ADAM8: variants seen among roughly 807,000 people sequenced by gnomAD.
ADAM8 encodes ADAM metallopeptidase domain 8.
ADAM8 carries 104 observed loss-of-function variants against 102.4 expected under a neutral mutation model. The ratio of observed to expected loss-of-function variants is 1.02; its 90% CI spans 0.87 to 1.20. The LOEUF (loss-of-function observed/expected upper bound fraction) is 1.20, where lower values mean the gene tolerates loss of function less well. ADAM8 is among the 50% of genes most tolerant of loss of function. The pLI is 0.00. For synonymous variants in ADAM8, 517 were observed against 485.2 expected, an observed-to-expected ratio of 1.07 and a Z score of -0.86; for missense variants, 1,132 against 1,159.0, an observed-to-expected ratio of 0.98 and a Z score of 0.34.
chr10:133,271,440 T>G, intron 12 of ADAM8, 88 bp downstream of exon 12: 1 of 1,476,348 alleles, frequency 6.8e-7, no homozygotes, highest in Non-Finnish European at 9.1e-7. Flanking sequence ...AAGTTCCACG[T>G]GTGGATGTGC....
intron 15 of ADAM8, 85 bp downstream of exon 15, chr10:133,270,651 G>A: frequency 2.6e-6 from 4 of 1,545,848 alleles, no homozygotes; most frequent in Non-Finnish European, 3.5e-6. Flanking sequence ...CCTCATGGGA[G>A]CAGGACCCTT....
intron 17 of ADAM8, 123 bp downstream of exon 17, chr10:133,269,774 C>T (rs898372507): frequency 5.3e-5 from 64 of 1,201,788 alleles, no homozygotes; most frequent in Non-Finnish European, 7.4e-5. Context: ...CAGAGACCCC[C>T]ATGGACAGGA....
In ADAM8 at chr10:133,268,089, C is replaced by A; in HGVS notation, c.2093G>T (p.Arg698Leu). The A allele has an allele frequency of 7.8e-7, 1 of 1,274,074 alleles. No homozygotes were observed. The highest frequency in any genetic ancestry group is 3.8e-5 in the South Asian group (1 of 26,526). The allele number at this position is 1,274,074 out of a possible 1,614,324, so 78.9% of individuals were successfully genotyped here. ...AGCCTGGTGGAACAGGGGGTTGGAG[C>A]GCCCCATTGTGGTCTTGGGAGCCAC... ...RNVAPKTTMG[R>L]SNPLFHQAAS... Residue 698 changes from arginine (R) to leucine (L), a missense_variant, in exon 20 of 23, where the codon CGC becomes CTC. Physicochemically the swap from Arg to Leu is moderately radical, Grantham distance 102. Transcript: ENST00000445355.
chr10:133,276,688 G>C, intron 1 of ADAM8, 84 bp downstream of exon 1: 1 of 1,496,348 alleles, frequency 6.7e-7, no homozygotes, highest in Non-Finnish European at 8.9e-7. Flanking sequence ...GAGCAGGCCA[G>C]GGGCTCGGGG....
Position 133,273,892 on chromosome 10 carries a change from G to A in ADAM8, c.307-54C>T, listed in dbSNP as rs904883544. ...AGGCTGTGCCCCCATGGCCCCACAG[G>A]CTCGGGGAGGGCCGCCCAGCCCCTA... is the stretch of plus-strand genomic sequence containing the variant. On this transcript the variant is annotated intron_variant, in intron 4 of 22. Transcript: ENST00000445355. The A allele has an allele frequency of 9.7e-6, 15 of 1,552,884 alleles. No homozygotes were observed. In the African/African-American group the frequency reaches 2.0e-4, roughly 21 times the overall value.
At chr10:133,273,053 C>T in intron 6 of ADAM8, 34 bp from the exon 7 acceptor site, 3 of 1,612,628 alleles carry the variant, frequency 1.9e-6, no homozygotes, top group Non-Finnish European at 2.5e-6. Flanking sequence ...AGTCAGCCTT[C>T]CCAGCGCCGG....
At position 133,271,723 on chromosome 10, in the gene ADAM8, C is replaced by A. The variant is rs766896745; in HGVS notation, c.1107-18G>T. The A allele has an allele frequency of 1.3e-6, 2 of 1,549,310 alleles. No individual in the cohort carries two copies. Among genetic ancestry groups the A allele is most frequent in the South Asian group, 1.2e-5 (1 of 84,732 alleles). ...AACTGGAGCTGGGGAGGCGGGGCAG[C>A]ATTGGGGGAGGCGGCCTGGCCCCTT... On this transcript the variant is annotated intron_variant, in intron 11 of 22. Transcript: ENST00000445355.
rs1403185276 is a variant in ADAM8 at position 133,272,232 on chromosome 10, C to T, written c.918G>A (p.Val306=). The stretch of plus-strand genomic sequence containing the variant: ...CTGAGCTGTGGGAGCACATGGCGGA[C>T]ACCCTGGCAAACCCCACGGTAGTCC... ...FTGTTVGFAR[V]SAMCSHSSGA... The change falls in exon 10 of 23, where the codon GTG becomes GTA. Residue 306 remains valine (V), a synonymous_variant. Coordinates refer to ENST00000445355, the MANE Select transcript of ADAM8 (RefSeq NM_001109.5). 2 of 1,548,658 alleles carry T rather than the reference C, an allele frequency of 1.3e-6. No homozygotes were observed. The highest frequency in any genetic ancestry group is 1.4e-5 in the African/African-American group (1 of 73,002).
In ADAM8 at chr10:133,271,717, G is replaced by C. The variant is rs1016009243; in HGVS notation, c.1107-12C>G. 6.5e-7 allele frequency: 1 copy of C among 1,547,804 alleles called. No homozygotes were observed. The highest frequency in any genetic ancestry group is 8.7e-7 in the Non-Finnish European group (1 of 1,144,880). On this transcript the variant is annotated splice_polypyrimidine_tract_variant and intron_variant, in intron 11 of 22. Transcript: ENST00000445355. ...TGGGGAAACTGGAGCTGGGGAGGCGGGGCAGCATTGGGGGAGGCGGCCTGG... is the reference window on the plus strand; with the variant it reads ...TGGGGAAACTGGAGCTGGGGAGGCGCGGCAGCATTGGGGGAGGCGGCCTGG...
At chr10:133,268,293 C>A (rs981645803) in intron 19 of ADAM8, among the ~76,000 whole-genome samples, 175 bp from the exon 20 acceptor site, 14 of 152,188 alleles carry the variant, frequency 9.2e-5, no homozygotes. Flanking sequence ...GGCAGGGACA[C>A]CCCCTCCATG....
chr10:133,274,662 G>A lies in ADAM8; in HGVS notation c.151-427C>T, dbSNP rs142751251. On this transcript the variant is annotated intron_variant, in intron 2 of 22. Transcript: ENST00000445355. The stretch of plus-strand genomic sequence containing the variant: ...TGGGTAACGACAATGCCCCTTCCCC[G>A]AGAAAGCATAGGGTGGGGGAGGCAT... 95 of 292,438 alleles carry A rather than the reference G, an allele frequency of 3.2e-4. No homozygotes were observed. The East Asian group carries it at 8.7e-3, about 27-fold the overall frequency. 18.1% of individuals were successfully genotyped at this position (292,438 alleles called of 1,614,324 possible).
At chr10:133,263,302 G>A (rs749664706) in intron 22 of ADAM8, 69 bp from the exon 23 acceptor site, 5 of 1,393,268 alleles carry the variant, frequency 3.6e-6, no homozygotes, top group South Asian at 2.8e-5. Flanking sequence ...AGGGTACAAC[G>A]AAATTTTACG....
chr10:133,270,885 C>A lies in ADAM8; in HGVS notation c.1560G>T (p.Gly520=), dbSNP rs768096302. Residue 520 remains glycine, a synonymous_variant, in exon 14 of 23, where the codon GGG becomes GGT. Transcript: ENST00000445355. ...CCAGCTCTGTGCCCACTTCACCTGG[C>A]CCCCAGAAGGCCTGGCACTGCTGGG... ...TLAQQCQAFW[G]PGGQAAEESC... 1.2e-6 allele frequency: 2 copies of A among 1,610,446 alleles called. No homozygotes were observed. Among genetic ancestry groups the A allele is most frequent in the South Asian group, 2.2e-5 (2 of 90,978 alleles).
rs777360411 is a variant in ADAM8 at position 133,275,534 on chromosome 10, G to A, written c.100C>T (p.Pro34Ser). 1 of 1,524,168 alleles carries A rather than the reference G, an allele frequency of 6.6e-7. No individual in the cohort carries two copies. The highest frequency in any genetic ancestry group is 8.8e-7 in the Non-Finnish European group (1 of 1,136,658). 94.4% of individuals were successfully genotyped at this position (1,524,168 alleles called of 1,614,324 possible). ...ACTCGGGGGCCTGGCAGACGCCACGGCAACACGACCTCATACTGCTCCATG... is the reference window on the plus strand; with the variant it reads ...ACTCGGGGGCCTGGCAGACGCCACGACAACACGACCTCATACTGCTCCATG... ...ALMEQYEVVL[P>S]WRLPGPRVRR... The change falls in exon 2 of 23, where the codon CCG becomes TCG. Residue 34 changes from proline to serine, a missense_variant. By Grantham distance (74) the Pro-to-Ser change is moderately conservative (BLOSUM62 -1). Coordinates refer to ENST00000445355, the MANE Select transcript of ADAM8 (RefSeq NM_001109.5).
intron 6 of ADAM8, 77 bp downstream of exon 6, chr10:133,273,177 G>A: frequency 6.3e-7 from 1 of 1,579,526 alleles, no homozygotes; most frequent in Admixed American, 1.8e-5. Context: ...CCAGCACATG[G>A]GGAGCCAGGA....
chr10:133,262,939 C>CT lies in ADAM8; in HGVS notation c.*216dup, dbSNP rs1003760936. On this transcript the variant is annotated 3_prime_UTR_variant, in exon 23 of 23. Coordinates refer to ENST00000445355, the MANE Select transcript of ADAM8 (RefSeq NM_001109.5). ...ATCCCAGCCTGGTGCCTGCAGACAG[C>CT]TGGGGCTACACGTGGCCAAGGCGGG... 11 of 675,576 alleles carry CT rather than the reference C, an allele frequency of 1.6e-5. No homozygotes were observed. In the Admixed American group the frequency reaches 2.0e-4, roughly 12 times the overall value. 41.8% of individuals were successfully genotyped at this position (675,576 alleles called of 1,614,324 possible). A position where few individuals can be genotyped will look rare whatever the true frequency, so the allele number is the denominator to read the frequency against.
chr10:133,270,377 G>T lies in ADAM8; in HGVS notation c.1768C>A (p.Arg590=). The part of the protein sequence containing the change: ...TAYEPVPEGT[R]CGPEKVCWKG... Reference sequence around the variant, plus strand: ...GGGCTCACCTTCTCTGGTCCACACCGGGTGCCCTCGGGCACTGGTTCATAC... The same window carrying T: ...GGGCTCACCTTCTCTGGTCCACACCTGGTGCCCTCGGGCACTGGTTCATAC... The change falls in exon 16 of 23, where the codon CGG becomes AGG. Residue 590 remains arginine, a synonymous_variant. Transcript: ENST00000445355. 6.3e-7 allele frequency: 1 copy of T among 1,588,132 alleles called. No individual in the cohort carries two copies. The highest frequency in any genetic ancestry group is 1.1e-5 in the South Asian group (1 of 90,172).
chr10:133,276,019 C>CGGAGGCTGTTCACCTCCCAAGAACT (rs1846739308), intron 1 of ADAM8: 1 of 162,922 alleles, frequency 6.1e-6, no homozygotes, highest in African/African-American at 2.4e-5. Context: ...AAGTGCCTCC[C>CGGAGGCTGTTCACCTCCCAAGAACT]GGAGGCTGTT....
Position 133,270,863 on chromosome 10 carries a change from G to T in ADAM8, c.1564+18C>A. 6.2e-7 allele frequency: 1 copy of T among 1,610,450 alleles called. No individual in the cohort carries two copies. The highest frequency in any genetic ancestry group is 8.5e-7 in the Non-Finnish European group (1 of 1,178,210). Reference sequence around the variant, plus strand: ...GGCCTGCAGCCACCCTGCCAGGCCAGCTCTGTGCCCACTTCACCTGGCCCC... The same window carrying T: ...GGCCTGCAGCCACCCTGCCAGGCCATCTCTGTGCCCACTTCACCTGGCCCC... On this transcript the variant is annotated intron_variant, in intron 14 of 22. Transcript: ENST00000445355.
Sources: allele counts gnomAD v4.1 joint callset (sites outside exome capture counted in the v4.1 genomes callset), GRCh38; gene constraint gnomAD v4.1.1; transcripts MANE v1.5; gene names NCBI Gene and HGNC (gene_info 2026-07-23, HGNC 2026-07-21).